The following PLCB4 variants were observed in gnomAD, a reference collection of about 807,000 sequenced individuals.
PLCB4 encodes the protein 1-phosphatidylinositol 4,5-bisphosphate phosphodiesterase beta-4.
Under a neutral mutation model 178.8 loss-of-function variants are expected in PLCB4, and 77 were observed. The observed-to-expected ratio is 0.43, with a 90% CI of 0.36 to 0.52. PLCB4 has a LOEUF of 0.52. Ranked by LOEUF, PLCB4 falls within the 20% of genes least tolerant of loss-of-function variation. The pLI, the probability that PLCB4 is intolerant of heterozygous loss-of-function variation, is 0.00. For synonymous variants in PLCB4, 496 were observed against 490.8 expected (o/e 1.01, Z -0.14); for missense variants, 1,024 against 1,453.4 (o/e 0.70, Z 4.80).
chr20:9,331,835 C>G (rs572450596), intron 4 of PLCB4, among the ~76,000 whole-genome samples: 12 of 152,208 alleles, frequency 7.9e-5, no homozygotes, highest in Middle Eastern at 3.4e-3. Flanking sequence ...GGCACAAACC[C>G]CTCAGAGTGG....
intron 2 of PLCB4, among the ~76,000 whole-genome samples, chr20:9,192,790 G>C (rs2093422290): frequency 6.6e-6 from 1 of 151,330 alleles, no homozygotes; most frequent in Non-Finnish European, 1.5e-5. Context: ...GACATAGCAG[G>C]ACCCTATCTC....
chr20:9,227,279 A>T (rs1454300017), intron 3 of PLCB4, among the ~76,000 whole-genome samples: 1 of 151,932 alleles, frequency 6.6e-6, no homozygotes, highest in Non-Finnish European at 1.5e-5. Context: ...TCTTGATAAC[A>T]TCTTTTGATA....
chr20:9,078,105 C>T (rs1460023868), intron 1 of PLCB4, among the ~76,000 whole-genome samples: 4 of 151,988 alleles, frequency 2.6e-5, no homozygotes, highest in Admixed American at 6.6e-5. Flanking sequence ...CTCAGACTCT[C>T]GAGTAGTTGG....
At chr20:9,314,593 C>A (rs951117401) in intron 4 of PLCB4, among the ~76,000 whole-genome samples, 2 of 152,074 alleles carry the variant, frequency 1.3e-5, no homozygotes, top group African/African-American at 4.8e-5. Flanking sequence ...GACGAAGAAC[C>A]AAAAGCAAAA....
chr20:9,242,102 C>T (rs1022048186), intron 3 of PLCB4, among the ~76,000 whole-genome samples: 2 of 152,186 alleles, frequency 1.3e-5, no homozygotes, highest in African/African-American at 4.8e-5. Flanking sequence ...GCTGTTTTCT[C>T]ATTCTGTTGG....
At chr20:9,458,715 G>T (rs188636054) in intron 34 of PLCB4, among the ~76,000 whole-genome samples, 18 of 152,272 alleles carry the variant, frequency 1.2e-4, no homozygotes, top group African/African-American at 4.1e-4. Flanking sequence ...TAGCAGAAGG[G>T]CAAGTACTTT....
At chr20:9,213,798 A>C (rs2093699348) in intron 2 of PLCB4, among the ~76,000 whole-genome samples, 1 of 152,184 alleles carries the variant, frequency 6.6e-6, no homozygotes, top group Non-Finnish European at 1.5e-5. Flanking sequence ...TGAAGTTTCC[A>C]ATTTCTCTAA....
chr20:9,474,041 G>GC (rs755061259), intron 38 of PLCB4, among the ~76,000 whole-genome samples: 1 of 151,940 alleles, frequency 6.6e-6, no homozygotes, highest in Non-Finnish European at 1.5e-5. Context: ...ACATGGTGAA[G>GC]CCCCGTCTCT....
chr20:9,198,229 C>T (rs1421510994), intron 2 of PLCB4, among the ~76,000 whole-genome samples: 1 of 152,152 alleles, frequency 6.6e-6, no homozygotes, highest in Non-Finnish European at 1.5e-5. Flanking sequence ...ATCTAGAAAG[C>T]AATGTTTTTT....
intron 28 of PLCB4, among the ~76,000 whole-genome samples, chr20:9,428,284 C>G (rs1306208099): frequency 2.6e-5 from 4 of 152,170 alleles, no homozygotes; most frequent in Non-Finnish European, 4.4e-5. Flanking sequence ...TGCATATTCA[C>G]AGTGATATCT....
chr20:9,105,711 A>G (rs11906776), intron 2 of PLCB4, among the ~76,000 whole-genome samples: 4,765 of 152,128 alleles, frequency 0.031, 262 homozygotes, highest in African/African-American at 0.11. Flanking sequence ...GGTAGGAAAA[A>G]GATTAATTAC....
intron 7 of PLCB4, among the ~76,000 whole-genome samples, chr20:9,350,564 CT>C (rs1320450277): frequency 1.3e-5 from 2 of 151,304 alleles, no homozygotes; most frequent in East Asian, 1.9e-4. Flanking sequence ...TTCTTTTTCT[CT>C]TTTTTTTTCT....
At chr20:9,293,983 A>T (rs935035269) in intron 3 of PLCB4, among the ~76,000 whole-genome samples, 1 of 152,180 alleles carries the variant, frequency 6.6e-6, no homozygotes, top group Non-Finnish European at 1.5e-5. Flanking sequence ...AGGAGAATGT[A>T]AAAGGAAAGG....
chr20:9,462,256 G>A (rs1223869631), intron 35 of PLCB4, among the ~76,000 whole-genome samples: 1 of 152,136 alleles, frequency 6.6e-6, no homozygotes, highest in Non-Finnish European at 1.5e-5. Flanking sequence ...AACCCCATCT[G>A]TAGGTCACCA....
intron 1 of PLCB4, among the ~76,000 whole-genome samples, chr20:9,095,726 T>A (rs1387168293): frequency 1.3e-5 from 2 of 152,130 alleles, no homozygotes; most frequent in Non-Finnish European, 2.9e-5. Flanking sequence ...TTTTATGTAG[T>A]TTTTTTGTAA....
chr20:9,382,525 C>T (rs1403033836), intron 13 of PLCB4, among the ~76,000 whole-genome samples: 3 of 152,182 alleles, frequency 2.0e-5, no homozygotes, highest in Non-Finnish European at 4.4e-5. Flanking sequence ...TTTCCTTGGT[C>T]ACTTGCTCTG....
chr20:9,155,197 T>C (rs1198439269), intron 2 of PLCB4, among the ~76,000 whole-genome samples: 2 of 150,918 alleles, frequency 1.3e-5, no homozygotes, highest in Non-Finnish European at 2.9e-5. Context: ...TGAGAACATG[T>C]GGTTTTTGAT....
chr20:9,167,625 A>G (rs1464141364), intron 2 of PLCB4, among the ~76,000 whole-genome samples: 4 of 152,228 alleles, frequency 2.6e-5, no homozygotes, highest in Non-Finnish European at 4.4e-5. Flanking sequence ...AAAATTAACA[A>G]CTTAGAAAGT....
chr20:9,315,719 G>T (rs1276020792), intron 4 of PLCB4, among the ~76,000 whole-genome samples: 2 of 152,126 alleles, frequency 1.3e-5, no homozygotes, highest in Non-Finnish European at 2.9e-5. Flanking sequence ...CATCACCTGA[G>T]ATCAGGAGTT....
Sources: gnomAD v4.1 joint callset for allele counts (sites outside exome capture counted in the v4.1 genomes callset) on GRCh38, gnomAD v4.1.1 for gene constraint, MANE v1.5 for transcripts, NCBI Gene and HGNC (gene_info 2026-07-23, HGNC 2026-07-21) for gene names.